The following KHDRBS2 variants were observed in gnomAD, a reference collection of about 807,000 sequenced individuals.
The protein encoded by KHDRBS2 is KH RNA binding domain containing, signal transduction associated 2.
Under a neutral mutation model 44.3 loss-of-function variants are expected in KHDRBS2, and 26 were observed. The ratio of observed to expected loss-of-function variants is 0.59; its 90% CI spans 0.43 to 0.81. KHDRBS2 has a LOEUF of 0.81. Among genes scored for constraint, KHDRBS2 ranks in the 40% least tolerant of loss-of-function variants. The pLI, the probability that KHDRBS2 is intolerant of heterozygous loss-of-function variation, is 0.00. For missense variants in KHDRBS2, 476 were observed against 433.1 expected, an observed-to-expected ratio of 1.10 and a Z score of -0.88; for synonymous variants, 194 against 151.1, an observed-to-expected ratio of 1.28 and a Z score of -2.08.
rs528703949 is a variant in KHDRBS2, at chr6:61,710,613, A to T, written c.894-13360T>A. Among the ~76,000 whole-genome samples the T allele has an allele frequency of 1.7e-4, 26 of 151,174 alleles. No individual in the cohort carries two copies. In the South Asian group the frequency reaches 3.8e-3, roughly 22 times the overall value. ...CCTAACTATGGTAATCTTTTTCTAC[A>T]TGGAACTCCTTCTACTTGTTCATCC... On this transcript the variant is annotated intron_variant, in intron 7 of 8. Transcript: ENST00000281156.
At chr6:61,670,856 G>T in the KHDRBS2 span, among the ~76,000 whole-genome samples, 47 of 151,210 alleles carry the variant, frequency 3.1e-4, no homozygotes, top group African/African-American at 1.1e-3. Flanking sequence ...ATAATTTCTG[G>T]TTTACAATGG....
chr6:61,895,859 T>C (rs1416649864), intron 5 of KHDRBS2, among the ~76,000 whole-genome samples: 2 of 152,176 alleles, frequency 1.3e-5, no homozygotes, highest in Non-Finnish European at 2.9e-5. Context: ...CTGTCTGCTA[T>C]GAATAGCAGT....
the KHDRBS2 span, among the ~76,000 whole-genome samples, chr6:61,558,750 C>G: frequency 6.6e-6 from 1 of 151,900 alleles, no homozygotes; most frequent in African/African-American, 2.4e-5. Context: ...TTGCTGATTT[C>G]TCGTATTATT....
intron 2 of KHDRBS2, among the ~76,000 whole-genome samples, chr6:62,092,189 C>A (rs1320646681): frequency 1.3e-5 from 2 of 151,856 alleles, no homozygotes; most frequent in Non-Finnish European, 2.9e-5. Flanking sequence ...GACTCTTGTT[C>A]ATTCCCCTTC....
rs550907149 is a variant in KHDRBS2, at chr6:61,989,375, C to G, written c.337-11163G>C. Among the ~76,000 whole-genome samples the G allele has an allele frequency of 2.0e-5, 3 of 152,294 alleles. No individual in the cohort carries two copies. The South Asian group carries it at 6.2e-4, about 32-fold the overall frequency. On this transcript the variant is annotated intron_variant, in intron 3 of 8. Transcript: ENST00000281156. ...GCAAAACTACTTCCTGTCATAAAGA[C>G]ACAAGAAGTTTGTTTGTTTTTCCTT...
intron 2 of KHDRBS2, among the ~76,000 whole-genome samples, chr6:62,076,479 T>C (rs1462634470): frequency 6.6e-6 from 1 of 151,992 alleles, no homozygotes; most frequent in East Asian, 1.9e-4. Flanking sequence ...CTCTGTAAAT[T>C]GTGTAAATCA....
chr6:62,278,596 A>G (rs1841340734), intron 1 of KHDRBS2, among the ~76,000 whole-genome samples: 1 of 152,220 alleles, frequency 6.6e-6, no homozygotes, highest in Admixed American at 6.5e-5. Flanking sequence ...TCATAAAAAT[A>G]TAAATTAAAA....
chr6:62,037,244 T>C (rs955509771), intron 3 of KHDRBS2, among the ~76,000 whole-genome samples: 1 of 151,864 alleles, frequency 6.6e-6, no homozygotes, highest in African/African-American at 2.4e-5. Context: ...GATATGTCTG[T>C]TTTTTAATGG....
At chr6:61,967,891 C>G (rs200129544) in intron 4 of KHDRBS2, among the ~76,000 whole-genome samples, 1 of 131,014 alleles carries the variant, frequency 7.6e-6, no homozygotes, top group African/African-American at 2.8e-5. Context: ...CACAAACATA[C>G]ACACACACAC....
intron 2 of KHDRBS2, among the ~76,000 whole-genome samples, chr6:62,161,234 C>T (rs1271754460): frequency 1.3e-5 from 2 of 151,804 alleles, no homozygotes; most frequent in Non-Finnish European, 2.9e-5. Context: ...AAAATCTATT[C>T]TGTCAATCGC....
chr6:61,796,685 G>T (rs182054355), intron 6 of KHDRBS2, among the ~76,000 whole-genome samples: 1 of 152,006 alleles, frequency 6.6e-6, no homozygotes, highest in Non-Finnish European at 1.5e-5. Flanking sequence ...ACCTAGCATG[G>T]GTATAATTTT....
the KHDRBS2 span, among the ~76,000 whole-genome samples, chr6:61,605,879 A>G: frequency 6.6e-6 from 1 of 152,212 alleles, no homozygotes; most frequent in Non-Finnish European, 1.5e-5. Flanking sequence ...TTCCATGTAT[A>G]CATCCAGATG....
At chr6:61,551,433 C>A in the KHDRBS2 span, among the ~76,000 whole-genome samples, 1 of 152,200 alleles carries the variant, frequency 6.6e-6, no homozygotes, top group African/African-American at 2.4e-5. Flanking sequence ...GTCATGAAAT[C>A]TTTTTCCATT....
At chr6:62,265,601 A>G (rs888000431) in intron 1 of KHDRBS2, among the ~76,000 whole-genome samples, 3 of 152,066 alleles carry the variant, frequency 2.0e-5, no homozygotes, top group African/African-American at 7.2e-5. Flanking sequence ...TTTCAAATAC[A>G]TTTAGTTTAA....
chr6:61,952,248 GA>G (rs1345779173), intron 4 of KHDRBS2, among the ~76,000 whole-genome samples: 1 of 151,990 alleles, frequency 6.6e-6, no homozygotes, highest in Non-Finnish European at 1.5e-5. Context: ...AAACTACATT[GA>G]AAAGGCAGAC....
the KHDRBS2 span, among the ~76,000 whole-genome samples, chr6:61,577,147 T>C: frequency 6.6e-6 from 1 of 150,938 alleles, no homozygotes. Flanking sequence ...TTTTTGTTTT[T>C]TTTTTTTAAC....
chr6:61,905,750 A>C (rs1388323168), intron 4 of KHDRBS2, among the ~76,000 whole-genome samples: 1 of 152,152 alleles, frequency 6.6e-6, no homozygotes, highest in Non-Finnish European at 1.5e-5. Context: ...CCAGATTTTT[A>C]ATAAATTCTG....
At chr6:62,122,745 C>T (rs1280664417) in intron 2 of KHDRBS2, among the ~76,000 whole-genome samples, 1 of 149,920 alleles carries the variant, frequency 6.7e-6, no homozygotes, top group Non-Finnish European at 1.5e-5. Context: ...AGCACTACAG[C>T]CCCCTTTTAG....
intron 6 of KHDRBS2, among the ~76,000 whole-genome samples, chr6:61,747,820 G>T (rs1777082543): frequency 6.6e-6 from 1 of 152,036 alleles, no homozygotes; most frequent in East Asian, 1.9e-4. Flanking sequence ...ATTTAATCCT[G>T]TTCTTAGTCA....
Sources: allele counts gnomAD v4.1 joint callset (sites outside exome capture counted in the v4.1 genomes callset), GRCh38; gene constraint gnomAD v4.1.1; transcripts MANE v1.5; gene names NCBI Gene and HGNC (gene_info 2026-07-23, HGNC 2026-07-21).